Variants in WDFY3 observed in about 807,000 individuals in gnomAD.
WDFY3 encodes the protein WD repeat and FYVE domain containing 3, also known as WD repeat and FYVE domain-containing protein 3.
WDFY3 carries 66 observed loss-of-function variants against 409.6 expected under a neutral mutation model. That is an observed-to-expected ratio of 0.16 (90% CI 0.13 to 0.20). The LOEUF is 0.20. WDFY3 is among the 10% of genes least tolerant of loss of function. The probability of loss-of-function intolerance (pLI) is 1.00; values close to 1 mark genes in which losing one functional copy is unlikely to be tolerated. For missense variants in WDFY3, 3,031 were observed against 4,298.1 expected (o/e 0.71, Z 8.24); for synonymous variants, 1,521 against 1,537.1 (o/e 0.99, Z 0.25).
chr4:84,898,287 T>G (rs550775949), intron 2 of WDFY3, among the ~76,000 whole-genome samples: 1 of 152,312 alleles, frequency 6.6e-6, no homozygotes, highest in Admixed American at 6.5e-5. Flanking sequence ...AACTTCATAT[T>G]AAATTTGTAA....
intron 18 of WDFY3, 86 bp from the exon 19 acceptor site, chr4:84,796,838 T>A (rs760851131): frequency 5.5e-6 from 6 of 1,090,146 alleles, no homozygotes; most frequent in Non-Finnish European, 8.0e-6. Context: ...AAATACCACT[T>A]CAGTTTCAAT....
chr4:84,824,741 C>CA (rs1002248220), intron 10 of WDFY3, among the ~76,000 whole-genome samples: 43 of 152,240 alleles, frequency 2.8e-4, no homozygotes, highest in Admixed American at 2.8e-3. Context: ...TTAATGTACA[C>CA]AATTTACACC....
At chr4:84,869,998 A>G (rs2150303889) in intron 3 of WDFY3, among the ~76,000 whole-genome samples, 1 of 152,360 alleles carries the variant, frequency 6.6e-6, no homozygotes, top group East Asian at 1.9e-4. Flanking sequence ...TAAGTCAACA[A>G]GAAGCTATCC....
Position 84,715,468 on chromosome 4 carries a change from T to C in WDFY3, c.7876-85A>G, listed in dbSNP as rs1444591894. ...TATTAACTTTTCCACTATAAATTTC[T>C]ACAATGTTCAAGAAGTTAATCTGCG... On this transcript the variant is annotated intron_variant, in intron 49 of 67. Transcript: ENST00000295888. 14 of 862,538 alleles carry C rather than the reference T, an allele frequency of 1.6e-5. No individual in the cohort carries two copies. In the East Asian group the frequency reaches 3.7e-4, roughly 23 times the overall value. 53.4% of individuals were successfully genotyped at this position (862,538 alleles called of 1,614,324 possible). A position where few individuals can be genotyped will look rare whatever the true frequency, so the allele number is the denominator to read the frequency against.
At chr4:84,860,840 G>C (rs536581345) in intron 3 of WDFY3, among the ~76,000 whole-genome samples, 213 of 152,282 alleles carry the variant, frequency 1.4e-3, no homozygotes, top group South Asian at 2.5e-3. Flanking sequence ...TACTCACTTT[G>C]CCACAATTTG....
intron 3 of WDFY3, among the ~76,000 whole-genome samples, chr4:84,894,511 G>A (rs1486254561): frequency 1.3e-5 from 2 of 152,056 alleles, no homozygotes; most frequent in Non-Finnish European, 2.9e-5. Context: ...ATTAGGCTGG[G>A]CGTGGTGGCT....
At chr4:84,777,527 C>A (rs17368591) in intron 27 of WDFY3, among the ~76,000 whole-genome samples, 2,532 of 152,084 alleles carry the variant, frequency 0.017, 35 homozygotes, top group South Asian at 0.027. Context: ...CTGAGAGCTG[C>A]GGATGCTGAA....
intron 21 of WDFY3, among the ~76,000 whole-genome samples, chr4:84,790,640 T>C (rs1193555763): frequency 6.6e-6 from 1 of 151,956 alleles, no homozygotes; most frequent in Non-Finnish European, 1.5e-5. Context: ...AGCTTTTGAA[T>C]AGCAAAGGAA....
intron 3 of WDFY3, among the ~76,000 whole-genome samples, chr4:84,873,977 C>T (rs1461741571): frequency 1.3e-5 from 2 of 151,650 alleles, no homozygotes; most frequent in African/African-American, 4.8e-5. Context: ...GATGGAGTTT[C>T]GCCATGTTGC....
At chr4:84,866,230 C>A (rs1242818817) in intron 3 of WDFY3, among the ~76,000 whole-genome samples, 1 of 152,130 alleles carries the variant, frequency 6.6e-6, no homozygotes, top group East Asian at 1.9e-4. Context: ...GTTTTCTGAA[C>A]CATGGTGGGA....
At chr4:84,884,062 C>T (rs1250142930) in intron 3 of WDFY3, among the ~76,000 whole-genome samples, 1 of 152,094 alleles carries the variant, frequency 6.6e-6, no homozygotes, top group Admixed American at 6.5e-5. Flanking sequence ...ACTCAAAAAG[C>T]TATAGATTAC....
chr4:84,697,269 T>C (rs1730294700), intron 56 of WDFY3, among the ~76,000 whole-genome samples: 1 of 152,228 alleles, frequency 6.6e-6, no homozygotes, highest in Non-Finnish European at 1.5e-5. Flanking sequence ...GGACACAGTC[T>C]ACTGTAGATA....
rs1750933094 is a variant in WDFY3, at chr4:84,803,216, G to C, written c.2607+74C>G. On this transcript the variant is annotated intron_variant, in intron 16 of 67. Coordinates refer to ENST00000295888, the MANE Select transcript of WDFY3 (RefSeq NM_014991.6). ...ATTAACTTTCTTCCTCAACCCCCTA[G>C]CTCATATAATCATACTCACATCCTT... 3.5e-6 allele frequency: 5 copies of C among 1,428,710 alleles called. No homozygotes were observed. The Middle Eastern group carries it at 7.4e-4, about 211-fold the overall frequency. 88.5% of individuals were successfully genotyped at this position (1,428,710 alleles called of 1,614,324 possible).
In WDFY3 at chr4:84,670,622, G is replaced by A. The variant is rs1271641275; in HGVS notation, c.*2246C>T. 2 of 152,586 alleles carry A rather than the reference G, an allele frequency of 1.3e-5. No individual in the cohort carries two copies. The highest frequency in any genetic ancestry group is 2.9e-5 in the Non-Finnish European group (2 of 68,030). The allele number at this position is 152,586 out of a possible 1,614,324, so 9.5% of individuals were successfully genotyped here. On this transcript the variant is annotated 3_prime_UTR_variant, in exon 68 of 68. Transcript: ENST00000295888. ...CCCATATAGTTTCCTATTACAAAGA[G>A]GAATAACCTTTAAGTAACTACACAC...
chr4:84,950,687 G>A (rs1207093403), intron 1 of WDFY3, among the ~76,000 whole-genome samples: 1 of 152,170 alleles, frequency 6.6e-6, no homozygotes, highest in African/African-American at 2.4e-5. Context: ...CTACTTGGGA[G>A]GCTGAGGCAG....
intron 3 of WDFY3, among the ~76,000 whole-genome samples, chr4:84,871,513 T>C (rs1481084261): frequency 6.6e-6 from 1 of 152,068 alleles, no homozygotes; most frequent in Non-Finnish European, 1.5e-5. Flanking sequence ...CTGCAAGAAA[T>C]GTTAAAAGTT....
At chr4:84,847,778 A>G (rs1444679814) in intron 5 of WDFY3, among the ~76,000 whole-genome samples, 1 of 144,070 alleles carries the variant, frequency 6.9e-6, no homozygotes, top group African/African-American at 2.5e-5. Context: ...CGTCCCAAAA[A>G]AAAAAAAAAA....
chr4:84,721,362 T>C, intron 47 of WDFY3, 47 bp downstream of exon 47: 1 of 1,600,336 alleles, frequency 6.2e-7, no homozygotes, highest in Non-Finnish European at 8.5e-7. Context: ...GTCTTAATAA[T>C]ATGTTACTGA....
chr4:84,868,739 T>G (rs2150292222), intron 3 of WDFY3, among the ~76,000 whole-genome samples: 1 of 152,312 alleles, frequency 6.6e-6, no homozygotes, highest in Non-Finnish European at 1.5e-5. Context: ...GAACCCTTTC[T>G]ACAACAGCTC....
Sources: allele counts gnomAD v4.1 joint callset (sites outside exome capture counted in the v4.1 genomes callset), GRCh38; gene constraint gnomAD v4.1.1; transcripts MANE v1.5; gene names NCBI Gene and HGNC (gene_info 2026-07-23, HGNC 2026-07-21).